The following FDCSP variants were observed in gnomAD, a reference collection of about 807,000 sequenced individuals.
FDCSP encodes follicular dendritic cell secreted peptide.
In FDCSP, 8 loss-of-function variants were observed where a neutral mutation model predicts 8.9. The ratio of observed to expected loss-of-function variants is 0.90; its 90% CI spans 0.53 to 1.63. FDCSP has a LOEUF of 1.63. FDCSP is among the 40% of genes most tolerant of loss of function. The pLI is 0.00. For synonymous variants in FDCSP, 34 were observed against 34.5 expected (o/e 0.98, Z 0.06); for missense variants, 101 against 103.6 (o/e 0.98, Z 0.11).
At chr4:70,229,482 T>C (rs1282285953) in intron 1 of FDCSP, among the ~76,000 whole-genome samples, 4 of 151,838 alleles carry the variant, frequency 2.6e-5, no homozygotes, top group Non-Finnish European at 4.4e-5. Context: ...TGTTGCAAGA[T>C]CCTAGCTTTC....
chr4:70,233,455 T>C (rs1336241679), intron 3 of FDCSP, among the ~76,000 whole-genome samples: 1 of 151,712 alleles, frequency 6.6e-6, no homozygotes, highest in African/African-American at 2.4e-5. Flanking sequence ...GTCTAAACAG[T>C]TAACTAAAAT....
intron 3 of FDCSP, among the ~76,000 whole-genome samples, chr4:70,233,574 T>A (rs747155101): frequency 2.0e-5 from 3 of 151,678 alleles, no homozygotes; most frequent in Non-Finnish European, 4.4e-5. Context: ...TCGCAAAAAC[T>A]ACAAACAGAG....
intron 2 of FDCSP, among the ~76,000 whole-genome samples, chr4:70,232,205 C>T (rs1224947704): frequency 6.6e-6 from 1 of 151,534 alleles, no homozygotes; most frequent in Non-Finnish European, 1.5e-5. Flanking sequence ...CCTTCATATA[C>T]AATAACTCAC....
chr4:70,229,970 A>G (rs1356224622), intron 1 of FDCSP, among the ~76,000 whole-genome samples: 1 of 151,686 alleles, frequency 6.6e-6, no homozygotes, highest in Non-Finnish European at 1.5e-5. Flanking sequence ...AATGGTGCTG[A>G]TAGACTTGCT....
At chr4:70,227,930 G>A (rs529065345) in intron 1 of FDCSP, among the ~76,000 whole-genome samples, 2 of 151,850 alleles carry the variant, frequency 1.3e-5, no homozygotes, top group South Asian at 2.1e-4. Context: ...TGCTGGTGTA[G>A]GGTCTTGCCT....
At chr4:70,232,459 G>C (rs1332435444) in intron 2 of FDCSP, among the ~76,000 whole-genome samples, 2 of 151,580 alleles carry the variant, frequency 1.3e-5, no homozygotes, top group Non-Finnish European at 3.0e-5. Flanking sequence ...CTAGGAGTAA[G>C]AGACTATACT....
chr4:70,234,879 G>A (rs1730150304), intron 4 of FDCSP, among the ~76,000 whole-genome samples: 1 of 150,612 alleles, frequency 6.6e-6, no homozygotes, highest in Non-Finnish European at 1.5e-5. Context: ...AGAACCCAGA[G>A]GACTGTTCTA....
chr4:70,231,139 G>T (rs1730076125), intron 1 of FDCSP, 56 bp from the exon 2 acceptor site: 2 of 1,391,698 alleles, frequency 1.4e-6, no homozygotes, highest in Non-Finnish European at 2.0e-6. Context: ...TGACTTCTAG[G>T]ATATTTATGA....
rs146779915 is a variant in FDCSP at position 70,232,379 on chromosome 4, C to T, written c.58-615C>T. 1.5e-3 allele frequency among the ~76,000 whole-genome samples: 234 copies of T among 151,672 alleles called. 5 individuals are homozygous for T. The East Asian group carries it at 0.043, about 28-fold the overall frequency. On this transcript the variant is annotated intron_variant, in intron 2 of 4. Transcript: ENST00000317987. ...TATGTCTTAGATATGTTTAGATATA[C>T]AAATACTTACCACTGTGTTACAACT...
intron 1 of FDCSP, among the ~76,000 whole-genome samples, chr4:70,226,438 T>C (rs1490384778): frequency 1.3e-5 from 2 of 151,766 alleles, no homozygotes; most frequent in African/African-American, 4.8e-5. Flanking sequence ...AAATGAATCT[T>C]TCTAGGAGTG....
intron 4 of FDCSP, among the ~76,000 whole-genome samples, chr4:70,234,772 T>A (rs1730148442): frequency 6.6e-6 from 1 of 151,056 alleles, no homozygotes; most frequent in African/African-American, 2.4e-5. Context: ...ACTAGATAAA[T>A]TGAGGAAATA....
chr4:70,230,964 T>C (rs755682372), intron 1 of FDCSP, among the ~76,000 whole-genome samples: 2 of 151,728 alleles, frequency 1.3e-5, no homozygotes, highest in African/African-American at 2.4e-5. Flanking sequence ...ATTGGTGTAA[T>C]ATAGTTATGA....
chr4:70,231,218 C>G lies in FDCSP; in HGVS notation c.24C>G (p.Ile8Met). 1.2e-6 allele frequency: 2 copies of G among 1,601,130 alleles called. No individual in the cohort carries two copies. The highest frequency in any genetic ancestry group is 1.7e-6 in the Non-Finnish European group (2 of 1,173,246). The change falls in exon 2 of 5, where the codon ATC (isoleucine) becomes ATG (methionine). Residue 8 changes from isoleucine to methionine, a missense_variant. Physicochemically the swap from Ile to Met is conservative, Grantham distance 10. Coordinates refer to ENST00000317987, the MANE Select transcript of FDCSP (RefSeq NM_152997.4). ...AGATGAAGAAAGTTCTCCTCCTGAT[C>G]ACAGCCATCTTGGCAGTGGCTGTTG... is the stretch of plus-strand genomic sequence containing the variant. MKKVLLL[I>M]TAILAVAVGF...
chr4:70,231,952 GTT>G (rs1730091594), intron 2 of FDCSP, among the ~76,000 whole-genome samples: 1 of 151,602 alleles, frequency 6.6e-6, no homozygotes, highest in Admixed American at 6.6e-5. Context: ...AAACAAAATA[GTT>G]TAAAAGTAAA....
In FDCSP at chr4:70,234,006, C is replaced by G; in HGVS notation, c.91-14C>G. On this transcript the variant is annotated splice_polypyrimidine_tract_variant and intron_variant, in intron 3 of 4. Coordinates refer to ENST00000317987, the MANE Select transcript of FDCSP (RefSeq NM_152997.4). Reference sequence around the variant, plus strand: ...AAAAGTGAAATAAACCCTTTAACTTCTTTCTTTCAACAGATCAGTGACAGC... The same window carrying G: ...AAAAGTGAAATAAACCCTTTAACTTGTTTCTTTCAACAGATCAGTGACAGC... 1 of 1,582,164 alleles carries G rather than the reference C, an allele frequency of 6.3e-7. No homozygotes were observed. Among genetic ancestry groups the G allele is most frequent in the Non-Finnish European group, 8.6e-7 (1 of 1,166,716 alleles).
chr4:70,228,254 C>T (rs1231425755), intron 1 of FDCSP, among the ~76,000 whole-genome samples: 1 of 151,812 alleles, frequency 6.6e-6, no homozygotes, highest in Non-Finnish European at 1.5e-5. Flanking sequence ...GGAGTAGATT[C>T]CATCTCAAGA....
intron 2 of FDCSP, among the ~76,000 whole-genome samples, chr4:70,232,631 G>T (rs1221224842): frequency 1.3e-5 from 2 of 151,356 alleles, no homozygotes; most frequent in Non-Finnish European, 1.5e-5. Context: ...GAATCTTAAG[G>T]GTTTTTTTCT....
intron 1 of FDCSP, among the ~76,000 whole-genome samples, chr4:70,230,225 T>C (rs1272814468): frequency 6.6e-6 from 1 of 151,702 alleles, no homozygotes; most frequent in Non-Finnish European, 1.5e-5. Flanking sequence ...ACATATTCTT[T>C]AGCACATACT....
intron 3 of FDCSP, among the ~76,000 whole-genome samples, chr4:70,233,673 T>G (rs1434615519): frequency 6.6e-6 from 1 of 151,552 alleles, no homozygotes; most frequent in Non-Finnish European, 1.5e-5. Flanking sequence ...AAGAGAGAAG[T>G]TGTTTCCTAC....
Sources: allele counts gnomAD v4.1 joint callset (sites outside exome capture counted in the v4.1 genomes callset), GRCh38; gene constraint gnomAD v4.1.1; transcripts MANE v1.5; gene names NCBI Gene and HGNC (gene_info 2026-07-23, HGNC 2026-07-21).